MAD1L1: variants seen among roughly 807,000 people sequenced by gnomAD.
MAD1L1 encodes the protein mitotic arrest deficient 1 like 1.
In MAD1L1, 95 loss-of-function variants were observed where a neutral mutation model predicts 96.9. The ratio of observed to expected loss-of-function variants is 0.98; its 90% confidence interval spans 0.83 to 1.16. MAD1L1 has a LOEUF of 1.16. MAD1L1 is among the 50% of genes most tolerant of loss of function. MAD1L1 has a pLI of 0.00. For missense variants in MAD1L1, 1,007 were observed against 954.4 expected (o/e 1.06, Z -0.73); for synonymous variants, 473 against 396.6 (o/e 1.19, Z -2.29).
chr7:2,198,320 G>A (rs973473424), intron 10 of MAD1L1, among the ~76,000 whole-genome samples: 1 of 152,098 alleles, frequency 6.6e-6, no homozygotes, highest in Non-Finnish European at 1.5e-5. Context: ...CCTCCAGGCC[G>A]GCTGCCTGCT....
At chr7:2,084,328 C>G (rs3800893) in intron 11 of MAD1L1, among the ~76,000 whole-genome samples, 1 of 152,196 alleles carries the variant, frequency 6.6e-6, no homozygotes, top group Non-Finnish European at 1.5e-5. Flanking sequence ...GAGACAGCCA[C>G]GGGCAGCGCG....
intron 18 of MAD1L1, among the ~76,000 whole-genome samples, chr7:1,885,763 G>T (rs988253236): frequency 2.6e-5 from 4 of 152,156 alleles, no homozygotes; most frequent in South Asian, 4.1e-4. Flanking sequence ...GCAGCCCGGC[G>T]CCCAGAGCCT....
At chr7:1,854,887 G>A (rs1784165847) in intron 18 of MAD1L1, among the ~76,000 whole-genome samples, 1 of 152,240 alleles carries the variant, frequency 6.6e-6, no homozygotes, top group Non-Finnish European at 1.5e-5. Context: ...GCCCCAGGCA[G>A]GCCAAACCCC....
chr7:2,040,492 C>T (rs1487342346), intron 12 of MAD1L1, among the ~76,000 whole-genome samples: 4 of 152,204 alleles, frequency 2.6e-5, no homozygotes, highest in Non-Finnish European at 5.9e-5. Context: ...CAGTTCCTAT[C>T]GGTCCATCTC....
intron 9 of MAD1L1, among the ~76,000 whole-genome samples, chr7:2,214,234 G>T (rs545281181): frequency 6.6e-6 from 1 of 152,194 alleles, no homozygotes; most frequent in African/African-American, 2.4e-5. Flanking sequence ...ACCCAACTAC[G>T]GAATGTGGCT....
chr7:1,875,419 C>T (rs1171223956), intron 18 of MAD1L1, among the ~76,000 whole-genome samples: 2 of 152,202 alleles, frequency 1.3e-5, no homozygotes, highest in Non-Finnish European at 2.9e-5. Flanking sequence ...AGTTCTGGCA[C>T]GCAGGGAGGG....
chr7:2,204,797 GATTAA>G (rs1319657617), intron 10 of MAD1L1, among the ~76,000 whole-genome samples: 2 of 152,096 alleles, frequency 1.3e-5, no homozygotes, highest in African/African-American at 4.8e-5. Context: ...GTTTCTCTTA[GATTAA>G]ATACCGAGGA....
intron 12 of MAD1L1, among the ~76,000 whole-genome samples, chr7:2,023,247 CAT>C (rs1181536984): frequency 6.6e-6 from 1 of 152,122 alleles, no homozygotes; most frequent in Admixed American, 6.5e-5. Context: ...CTCTCAAACT[CAT>C]ATGGAAAATT....
At chr7:1,870,059 C>A (rs937353030) in intron 18 of MAD1L1, among the ~76,000 whole-genome samples, 1 of 152,182 alleles carries the variant, frequency 6.6e-6, no homozygotes, top group Non-Finnish European at 1.5e-5. Context: ...CACGGCAGAA[C>A]AAGCCTGACC....
At chr7:1,876,163 C>T (rs951785495) in intron 18 of MAD1L1, among the ~76,000 whole-genome samples, 4 of 152,204 alleles carry the variant, frequency 2.6e-5, no homozygotes, top group African/African-American at 9.7e-5. Flanking sequence ...CCCTTGGCTC[C>T]ATAGATCTCT....
chr7:2,003,040 C>T (rs115585959), intron 13 of MAD1L1, among the ~76,000 whole-genome samples: 2 of 150,186 alleles, frequency 1.3e-5, no homozygotes, highest in African/African-American at 4.9e-5. Context: ...TGTGAGACCC[C>T]CCCAGGCCAC....
At chr7:1,856,298 G>A (rs1033348851) in intron 18 of MAD1L1, among the ~76,000 whole-genome samples, 2 of 152,318 alleles carry the variant, frequency 1.3e-5, no homozygotes, top group South Asian at 2.1e-4. Context: ...GGAACATCTC[G>A]CTTCGGTTCT....
intron 7 of MAD1L1, among the ~76,000 whole-genome samples, chr7:2,217,424 C>G (rs1793350271): frequency 6.6e-6 from 1 of 152,228 alleles, no homozygotes; most frequent in Non-Finnish European, 1.5e-5. Context: ...GGCAGCTCTG[C>G]AGCCAGGAAG....
chr7:1,918,588 C>G (rs952202428), intron 17 of MAD1L1, among the ~76,000 whole-genome samples: 1 of 152,218 alleles, frequency 6.6e-6, no homozygotes, highest in Non-Finnish European at 1.5e-5. Flanking sequence ...CCTTCCTCTA[C>G]CCCGCTCACC....
intron 18 of MAD1L1, among the ~76,000 whole-genome samples, chr7:1,854,977 GC>G (rs1453321792): frequency 6.6e-6 from 1 of 152,174 alleles, no homozygotes; most frequent in Admixed American, 6.5e-5. Flanking sequence ...CACTGGGGAG[GC>G]CCCGCGCCCA....
chr7:1,918,294 C>T (rs922197776), intron 17 of MAD1L1, among the ~76,000 whole-genome samples: 1 of 152,188 alleles, frequency 6.6e-6, no homozygotes, highest in Non-Finnish European at 1.5e-5. Flanking sequence ...GGGACCTCAG[C>T]CCCAGCGCAG....
chr7:1,945,068 T>C (rs1310354869), intron 16 of MAD1L1, among the ~76,000 whole-genome samples: 2 of 151,218 alleles, frequency 1.3e-5, no homozygotes, highest in Admixed American at 1.3e-4. Flanking sequence ...ACCCTCCCGC[T>C]AGATGGGGGC....
intron 16 of MAD1L1, among the ~76,000 whole-genome samples, chr7:1,948,150 G>A (rs1297867735): frequency 6.6e-6 from 1 of 152,124 alleles, no homozygotes; most frequent in African/African-American, 2.4e-5. Context: ...GCGAGGGAGT[G>A]GCCCGGGGTC....
chr7:2,116,970 GCACTGGGCAC>G (rs1326276183), intron 11 of MAD1L1, among the ~76,000 whole-genome samples: 1 of 152,232 alleles, frequency 6.6e-6, no homozygotes, highest in Non-Finnish European at 1.5e-5. Context: ...GCATGGCACA[GCACTGGGCAC>G]CACCCGAAGA....
Sources: gnomAD v4.1 joint callset for allele counts (sites outside exome capture counted in the v4.1 genomes callset) on GRCh38, gnomAD v4.1.1 for gene constraint, MANE v1.5 for transcripts, NCBI Gene and HGNC (gene_info 2026-07-23, HGNC 2026-07-21) for gene names.